The following PLD5 variants were observed in gnomAD, a reference collection of about 807,000 sequenced individuals.
PLD5 encodes inactive phospholipase D5.
In PLD5, 36 loss-of-function variants were observed where a neutral mutation model predicts 61.1. That is an observed-to-expected ratio of 0.59 (90% CI 0.45 to 0.78). The LOEUF (loss-of-function observed/expected upper bound fraction) is 0.78, where lower values mean the gene tolerates loss of function less well. Ranked by LOEUF, PLD5 falls within the 30% of genes least tolerant of loss-of-function variation. The probability of loss-of-function intolerance (pLI) is 0.00; values close to 1 mark genes in which losing one functional copy is unlikely to be tolerated. For synonymous variants in PLD5, 243 were observed against 242.8 expected (o/e 1.00, Z -0.01); for missense variants, 515 against 644.4 (o/e 0.80, Z 2.17).
chr1:242,159,615 T>C (rs1558286514), intron 5 of PLD5, among the ~76,000 whole-genome samples: 1 of 152,068 alleles, frequency 6.6e-6, no homozygotes, highest in African/African-American at 2.4e-5. Context: ...CACCCATAGG[T>C]CTGTAATCAC....
Position 242,346,697 on chromosome 1 carries a change from C to T in PLD5, c.326+1409G>A, listed in dbSNP as rs182228506. Among the ~76,000 whole-genome samples, 244 of 152,212 alleles carry T rather than the reference C, an allele frequency of 1.6e-3. 3 individuals carry two copies. The highest frequency in any genetic ancestry group is 5.5e-3 in the African/African-American group (230 of 41,518). ...AAGTGCAGGATGTGCAGGTTTGTTA[C>T]ATAGGGAAATGTGGGTGATGGTGGT... On this transcript the variant is annotated intron_variant, in intron 2 of 9. Coordinates refer to ENST00000536534, the MANE Select transcript of PLD5 (RefSeq NM_001372062.1).
chr1:242,223,410 G>C (rs1011142871), intron 4 of PLD5, among the ~76,000 whole-genome samples: 1 of 152,190 alleles, frequency 6.6e-6, no homozygotes, highest in Non-Finnish European at 1.5e-5. Context: ...AAAGAGCTGA[G>C]AGATCAGAAA....
chr1:242,317,064 A>G (rs573655046), intron 2 of PLD5, among the ~76,000 whole-genome samples: 1 of 151,320 alleles, frequency 6.6e-6, no homozygotes, highest in East Asian at 2.0e-4. Context: ...CTGGAGTGCA[A>G]TGATGCAATC....
chr1:242,222,800 C>T (rs927516105), intron 4 of PLD5, among the ~76,000 whole-genome samples: 36 of 152,152 alleles, frequency 2.4e-4, no homozygotes, highest in African/African-American at 6.3e-4. Context: ...AGATGATGGT[C>T]GTGTGTAACC....
At chr1:242,159,698 A>G (rs1665676113) in intron 5 of PLD5, among the ~76,000 whole-genome samples, 1 of 151,944 alleles carries the variant, frequency 6.6e-6, no homozygotes, top group Non-Finnish European at 1.5e-5. Context: ...ATGGGTTTCT[A>G]CCAGTAGCTT....
At chr1:242,418,726 C>A (rs1285744330) in intron 1 of PLD5, among the ~76,000 whole-genome samples, 1 of 152,148 alleles carries the variant, frequency 6.6e-6, no homozygotes, top group Non-Finnish European at 1.5e-5. Flanking sequence ...AATTTCATCA[C>A]CGAATTGAGC....
intron 5 of PLD5, among the ~76,000 whole-genome samples, chr1:242,170,195 T>A (rs911533461): frequency 1.5e-4 from 23 of 152,170 alleles, no homozygotes; most frequent in African/African-American, 5.3e-4. Context: ...CCAACTGGCA[T>A]CTGGCATGTG....
At chr1:242,166,560 C>T (rs1031299740) in intron 5 of PLD5, among the ~76,000 whole-genome samples, 1 of 152,168 alleles carries the variant, frequency 6.6e-6, no homozygotes, top group Non-Finnish European at 1.5e-5. Context: ...ACTCCGAAAC[C>T]CGAAACAAAT....
chr1:242,207,934 A>ATT (rs1669526598), intron 5 of PLD5, among the ~76,000 whole-genome samples: 1 of 70,198 alleles, frequency 1.4e-5, no homozygotes, highest in African/African-American at 7.2e-5. Flanking sequence ...ATATATATTT[A>ATT]TATATTTATA....
chr1:242,461,187 C>T (rs1572190806), intron 1 of PLD5, among the ~76,000 whole-genome samples: 1 of 152,232 alleles, frequency 6.6e-6, no homozygotes, highest in Non-Finnish European at 1.5e-5. Context: ...AGCACATAGC[C>T]AGTACTCAGT....
At chr1:242,199,038 T>G (rs2148951265) in intron 5 of PLD5, among the ~76,000 whole-genome samples, 1 of 152,288 alleles carries the variant, frequency 6.6e-6, no homozygotes, top group East Asian at 1.9e-4. Context: ...CCTGCCTCAT[T>G]ATTGTTTTGT....
intron 6 of PLD5, among the ~76,000 whole-genome samples, chr1:242,121,712 C>T (rs976349479): frequency 9.2e-5 from 14 of 151,946 alleles, no homozygotes; most frequent in Non-Finnish European, 1.8e-4. Context: ...CAATGATAGA[C>T]TGGATTAAGA....
intron 6 of PLD5, among the ~76,000 whole-genome samples, chr1:242,121,865 C>A (rs1006652372): frequency 6.8e-6 from 1 of 146,566 alleles, no homozygotes; most frequent in Non-Finnish European, 1.5e-5. Context: ...ACCGCATGTT[C>A]TTACTCATAG....
intron 4 of PLD5, among the ~76,000 whole-genome samples, chr1:242,247,639 G>A (rs866692332): frequency 6.6e-5 from 10 of 152,240 alleles, no homozygotes; most frequent in Admixed American, 2.0e-4. Context: ...TCTGACCTCC[G>A]TTCTCATCAC....
At position 242,183,751 on chromosome 1, in the gene PLD5, A is replaced by G. The variant is rs564829221; in HGVS notation, c.735+36237T>C. 6.4e-3 allele frequency among the ~76,000 whole-genome samples: 972 copies of G among 150,844 alleles called. 9 individuals carry two copies. The highest frequency in any genetic ancestry group is 0.021 in the African/African-American group (848 of 40,618). ...CTACTAAAAATACAAAAAATTAGGC[A>G]GGCGTGGTGGCGGGCCCCTGTAGTC... On this transcript the variant is annotated intron_variant, in intron 5 of 9. Transcript: ENST00000536534.
intron 1 of PLD5, among the ~76,000 whole-genome samples, chr1:242,395,037 G>A (rs115066209): frequency 0.037 from 1,747 of 47,426 alleles, 182 homozygotes; most frequent in East Asian, 0.15. Context: ...ATATATGAAT[G>A]TATATGTATA....
At chr1:242,183,871 G>A (rs1369491528) in intron 5 of PLD5, among the ~76,000 whole-genome samples, 3 of 152,002 alleles carry the variant, frequency 2.0e-5, no homozygotes, top group Non-Finnish European at 4.4e-5. Context: ...CTCCAGCCTG[G>A]GCGACAGAGC....
At chr1:242,134,709 T>C (rs1312709556) in intron 5 of PLD5, among the ~76,000 whole-genome samples, 1 of 152,190 alleles carries the variant, frequency 6.6e-6, no homozygotes, top group Non-Finnish European at 1.5e-5. Flanking sequence ...GGACTTCTCC[T>C]CCTCAACAAT....
intron 2 of PLD5, among the ~76,000 whole-genome samples, chr1:242,329,287 C>T (rs187967159): frequency 2.6e-5 from 4 of 152,236 alleles, no homozygotes; most frequent in Non-Finnish European, 4.4e-5. Context: ...TGGGATTATA[C>T]GCATGAGCCA....
Sources: allele counts gnomAD v4.1 joint callset (sites outside exome capture counted in the v4.1 genomes callset), GRCh38; gene constraint gnomAD v4.1.1; transcripts MANE v1.5; gene names NCBI Gene and HGNC (gene_info 2026-07-23, HGNC 2026-07-21).